Variants in PDE8B observed in about 807,000 individuals in gnomAD.
PDE8B encodes high affinity cAMP-specific and IBMX-insensitive 3',5'-cyclic phosphodiesterase 8B.
In PDE8B, 26 loss-of-function variants were observed where a neutral mutation model predicts 101.3. That is an observed-to-expected ratio of 0.26 (90% confidence interval 0.19 to 0.36). PDE8B has a LOEUF of 0.36. PDE8B is among the 10% of genes least tolerant of loss of function. PDE8B has a pLI of 1.00. For synonymous variants in PDE8B, 424 were observed against 429.3 expected, an observed-to-expected ratio of 0.99 and a Z score of 0.15; for missense variants, 810 against 1,163.1, an observed-to-expected ratio of 0.70 and a Z score of 4.42.
chr5:77,347,028 C>G (rs1342214720), intron 7 of PDE8B, among the ~76,000 whole-genome samples: 1 of 152,186 alleles, frequency 6.6e-6, no homozygotes, highest in Admixed American at 6.5e-5. Flanking sequence ...GAAGCAATAT[C>G]TACCTATCTG....
At chr5:77,380,858 A>G (rs768908274) in intron 10 of PDE8B, among the ~76,000 whole-genome samples, 5 of 152,246 alleles carry the variant, frequency 3.3e-5, no homozygotes, top group Non-Finnish European at 5.9e-5. Context: ...GATGGGCAGG[A>G]AATATCCGGG....
At chr5:77,245,858 C>G (rs1756813677) in intron 1 of PDE8B, among the ~76,000 whole-genome samples, 1 of 89,822 alleles carries the variant, frequency 1.1e-5, no homozygotes, top group Admixed American at 1.0e-4. Flanking sequence ...CGCCCCCCCC[C>G]CCCAACTTTT....
chr5:77,097,512 C>T, the PDE8B span, among the ~76,000 whole-genome samples: 1 of 150,542 alleles, frequency 6.6e-6, no homozygotes. Flanking sequence ...GTTGAAGACT[C>T]ATGTATCCTA....
chr5:77,117,424 T>G, the PDE8B span, among the ~76,000 whole-genome samples: 1 of 152,170 alleles, frequency 6.6e-6, no homozygotes, highest in African/African-American at 2.4e-5. Flanking sequence ...AGACTGACAA[T>G]GCCTGGTACT....
intron 10 of PDE8B, among the ~76,000 whole-genome samples, chr5:77,375,219 A>G (rs1322825890): frequency 1.3e-5 from 2 of 152,086 alleles, no homozygotes; most frequent in Non-Finnish European, 2.9e-5. Flanking sequence ...CTCTTCTGAG[A>G]TAGACCTCAC....
At chr5:77,332,837 C>CAAA (rs35330679) in intron 5 of PDE8B, among the ~76,000 whole-genome samples, 1 of 108,974 alleles carries the variant, frequency 9.2e-6, no homozygotes, top group African/African-American at 3.2e-5. Context: ...AACTCCGTCT[C>CAAA]AAAAAAAAAA....
At chr5:77,138,943 G>A in the PDE8B span, among the ~76,000 whole-genome samples, 15 of 152,276 alleles carry the variant, frequency 9.9e-5, no homozygotes, top group South Asian at 6.2e-4. Context: ...TTTGCAGGGC[G>A]AAGTGGTCAT....
At chr5:77,141,685 T>A in the PDE8B span, 4 of 152,218 alleles carry the variant, frequency 2.6e-5, no homozygotes, top group African/African-American at 7.2e-5. Flanking sequence ...AAGACCTATC[T>A]ATATACCTAC....
chr5:77,290,762 A>C, intron 1 of PDE8B: 1 of 1,488,520 alleles, frequency 6.7e-7, no homozygotes, highest in Non-Finnish European at 9.4e-7. Flanking sequence ...TCATCACGGC[A>C]TTCAATTTCC....
intron 20 of PDE8B, among the ~76,000 whole-genome samples, chr5:77,424,508 C>A (rs1262574190): frequency 6.6e-6 from 1 of 152,210 alleles, no homozygotes; most frequent in Non-Finnish European, 1.5e-5. Context: ...CAGATTTCCA[C>A]ACACCTCAAA....
chr5:77,381,011 G>A (rs1403275222), intron 10 of PDE8B, among the ~76,000 whole-genome samples: 1 of 152,154 alleles, frequency 6.6e-6, no homozygotes, highest in Non-Finnish European at 1.5e-5. Context: ...GAGAACAAGA[G>A]GGATGGAAAG....
At chr5:77,234,500 G>A (rs965396949) in intron 1 of PDE8B, among the ~76,000 whole-genome samples, 12 of 152,102 alleles carry the variant, frequency 7.9e-5, no homozygotes, top group African/African-American at 2.9e-4. Context: ...GTCAAGACTC[G>A]CATGTTCAAG....
chr5:77,388,252 T>G (rs1460778960), intron 10 of PDE8B, among the ~76,000 whole-genome samples: 1 of 152,220 alleles, frequency 6.6e-6, no homozygotes, highest in Non-Finnish European at 1.5e-5. Context: ...GACCTTCAGA[T>G]GGAGTCTCTG....
chr5:77,398,318 C>CA (rs1491172155), intron 10 of PDE8B, among the ~76,000 whole-genome samples: 1 of 116,010 alleles, frequency 8.6e-6, no homozygotes, highest in Admixed American at 9.5e-5. Flanking sequence ...AGCTGTTTTA[C>CA]TTTTTTTTTT....
chr5:77,377,474 A>G (rs1370607508), intron 10 of PDE8B, among the ~76,000 whole-genome samples: 1 of 152,256 alleles, frequency 6.6e-6, no homozygotes, highest in African/African-American at 2.4e-5. Context: ...TGATTCTGAT[A>G]TAAAGACCGG....
chr5:77,187,780 C>T, the PDE8B span, among the ~76,000 whole-genome samples: 1 of 152,144 alleles, frequency 6.6e-6, no homozygotes, highest in South Asian at 2.1e-4. Flanking sequence ...TAAACTTTTC[C>T]CTAGAAGATT....
intron 1 of PDE8B, among the ~76,000 whole-genome samples, chr5:77,292,357 G>A (rs1027977907): frequency 6.6e-6 from 1 of 152,188 alleles, no homozygotes; most frequent in Admixed American, 6.5e-5. Flanking sequence ...CATATAAACA[G>A]AGGAAAGGGG....
At chr5:77,111,731 A>G in the PDE8B span, among the ~76,000 whole-genome samples, 4 of 152,200 alleles carry the variant, frequency 2.6e-5, no homozygotes, top group Non-Finnish European at 5.9e-5. Context: ...GATTTGTCCA[A>G]AACTATTCAA....
chr5:77,127,167 T>A, the PDE8B span, among the ~76,000 whole-genome samples: 2 of 152,192 alleles, frequency 1.3e-5, no homozygotes, highest in South Asian at 2.1e-4. Flanking sequence ...AGGTGAATGG[T>A]TTGGCTCTGT....
Sources: gnomAD v4.1 joint callset for allele counts (sites outside exome capture counted in the v4.1 genomes callset) on GRCh38, gnomAD v4.1.1 for gene constraint, MANE v1.5 for transcripts, NCBI Gene and HGNC (gene_info 2026-07-23, HGNC 2026-07-21) for gene names.